The following NOS2 variants were observed in gnomAD, a reference collection of about 807,000 sequenced individuals.
The protein encoded by NOS2 is nitric oxide synthase, inducible.
NOS2 carries 96 observed loss-of-function variants against 136.0 expected under a neutral mutation model. The observed-to-expected ratio is 0.71, with a 90% CI of 0.60 to 0.84. The LOEUF (loss-of-function observed/expected upper bound fraction) is 0.84, where lower values mean the gene tolerates loss of function less well. Ranked by LOEUF, NOS2 falls within the 40% of genes least tolerant of loss-of-function variation. NOS2 has a pLI of 0.00. For missense variants in NOS2, 1,237 were observed against 1,496.9 expected (o/e 0.83, Z 2.87); for synonymous variants, 539 against 587.5 (o/e 0.92, Z 1.20).
intron 11 of NOS2, among the ~76,000 whole-genome samples, chr17:27,778,038 A>T (rs562811180): frequency 6.6e-6 from 1 of 152,120 alleles, no homozygotes; most frequent in South Asian, 2.1e-4. Flanking sequence ...ATGTCTCAAA[A>T]AAAAAAAAAG....
At chr17:27,789,038 G>A in intron 3 of NOS2, 107 bp from the exon 4 acceptor site, 3 of 1,360,920 alleles carry the variant, frequency 2.2e-6, no homozygotes, top group Non-Finnish European at 3.0e-6. Flanking sequence ...AGGGCAGGGT[G>A]TCCCTCCACG....
At chr17:27,779,332 A>G (rs1233744829) in intron 9 of NOS2, among the ~76,000 whole-genome samples, 1 of 144,442 alleles carries the variant, frequency 6.9e-6, no homozygotes, top group South Asian at 2.2e-4. Context: ...TTATTATTTT[A>G]TAGAGTCTCA....
At chr17:27,796,438 G>A (rs1402165713) in intron 2 of NOS2, among the ~76,000 whole-genome samples, 1 of 152,114 alleles carries the variant, frequency 6.6e-6, no homozygotes, top group Non-Finnish European at 1.5e-5. Flanking sequence ...CTGGGCAACA[G>A]AGTGAGACCC....
Position 27,768,989 on chromosome 17 carries a change from C to T in NOS2, c.2022G>A (p.Val674=), listed in dbSNP as rs1375475964. Residue 674 remains valine, a synonymous_variant, in exon 17 of 27, where the codon GTG becomes GTA. Transcript: ENST00000313735. Reference sequence around the variant, plus strand: ...GCTGGGAACTGACCTTGAAGGTTTGCACGGCCCAGCTGCGGAAGGCGTCCT... The same window carrying T: ...GCTGGGAACTGACCTTGAAGGTTTGTACGGCCCAGCTGCGGAAGGCGTCCT... ...GQEDAFRSWA[V]QTFKAACETF... 1.2e-6 allele frequency: 2 copies of T among 1,605,464 alleles called. No individual in the cohort carries two copies. Among genetic ancestry groups the T allele is most frequent in the East Asian group, 2.2e-5 (1 of 44,800 alleles).
intron 24 of NOS2, 143 bp from the exon 25 acceptor site, chr17:27,760,321 C>A (rs1405458233): frequency 1.1e-6 from 1 of 897,830 alleles, no homozygotes; most frequent in South Asian, 1.8e-5. Context: ...TGAGGCCCAG[C>A]GCATTCAGAT....
rs200976296 is a variant in NOS2, at chr17:27,758,861, C to T, written c.3354+20G>A. ...TGTGCCCTTGGCCGGCACCTTCAGC[C>T]CACACACCCACTACTATACCTTGAG... On this transcript the variant is annotated intron_variant, in intron 26 of 26. Coordinates refer to ENST00000313735, the MANE Select transcript of NOS2 (RefSeq NM_000625.4). 1 of 1,456,904 alleles carries T rather than the reference C, an allele frequency of 6.9e-7. No homozygotes were observed. Among genetic ancestry groups the T allele is most frequent in the African/African-American group, 1.4e-5 (1 of 69,198 alleles). 90.2% of individuals were successfully genotyped at this position (1,456,904 alleles called of 1,614,324 possible).
intron 5 of NOS2, among the ~76,000 whole-genome samples, chr17:27,783,850 C>T (rs566214491): frequency 2.3e-4 from 35 of 152,310 alleles, no homozygotes; most frequent in African/African-American, 7.5e-4. Context: ...TTCCACCCTA[C>T]GGGGACAGTA....
intron 15 of NOS2, among the ~76,000 whole-genome samples, chr17:27,770,304 A>AC (rs1220035257): frequency 6.6e-6 from 1 of 151,948 alleles, no homozygotes; most frequent in Non-Finnish European, 1.5e-5. Flanking sequence ...ACATGGAGAA[A>AC]CCCCATCTCT....
chr17:27,766,714 T>C, intron 18 of NOS2, 126 bp from the exon 19 acceptor site: 1 of 733,478 alleles, frequency 1.4e-6, no homozygotes, highest in Admixed American at 2.2e-5. Context: ...AGGTGGCCGT[T>C]GGGTTTTTCT....
At chr17:27,778,189 G>A (rs1043173622) in intron 11 of NOS2, among the ~76,000 whole-genome samples, 3 of 152,078 alleles carry the variant, frequency 2.0e-5, no homozygotes, top group African/African-American at 4.8e-5. Flanking sequence ...TACATGGCAC[G>A]GTCAGGGAGG....
chr17:27,773,299 C>T (rs1597549797), intron 12 of NOS2, 56 bp from the exon 13 acceptor site: 7 of 1,242,240 alleles, frequency 5.6e-6, no homozygotes, highest in Admixed American at 5.4e-5. Flanking sequence ...TGGCTCAGCT[C>T]GCGGATGCTG....
At position 27,760,070 on chromosome 17, in the gene NOS2, G is replaced by A. The variant is rs150061937; in HGVS notation, c.3119C>T (p.Ala1040Val). The change falls in exon 25 of 27, where the codon GCG becomes GTG. Residue 1040 changes from alanine to valine, a missense_variant. By Grantham distance (64) the Ala-to-Val change is moderately conservative. Coordinates refer to ENST00000313735, the MANE Select transcript of NOS2 (RefSeq NM_000625.4). ...LEMAQKGVLH[A>V]VHTAYSRLPG... ...CAGGCGGGAATAGGCTGTGTGCACC[G>A]CATGCAGCACCCCCTTCTGGGCCAT... 2.8e-5 allele frequency: 45 copies of A among 1,594,146 alleles called. 1 individual carries two copies. The highest frequency in any genetic ancestry group is 3.3e-5 in the Non-Finnish European group (39 of 1,171,422).
intron 9 of NOS2, 41 bp from the exon 10 acceptor site, chr17:27,779,097 A>G: frequency 2.2e-6 from 3 of 1,337,620 alleles, no homozygotes; most frequent in South Asian, 4.7e-5. Flanking sequence ...GGCCTTCCTT[A>G]TTTTTATTTT....
Position 27,769,523 on chromosome 17 carries a change from A to C in NOS2, c.1859+12T>G. ...GGCAGGGCTAGGAGTAGGACAACGGAAAAAGCTTTACCTGAATTTGTTGTT... is the reference window on the plus strand; with the variant it reads ...GGCAGGGCTAGGAGTAGGACAACGGCAAAAGCTTTACCTGAATTTGTTGTT... On this transcript the variant is annotated intron_variant, in intron 16 of 26. Coordinates refer to ENST00000313735, the MANE Select transcript of NOS2 (RefSeq NM_000625.4). 1 of 1,611,246 alleles carries C rather than the reference A, an allele frequency of 6.2e-7. No homozygotes were observed. Among genetic ancestry groups the C allele is most frequent in the Non-Finnish European group, 8.5e-7 (1 of 1,177,764 alleles).
At chr17:27,796,314 G>A (rs1301970262) in intron 2 of NOS2, among the ~76,000 whole-genome samples, 1 of 152,122 alleles carries the variant, frequency 6.6e-6, no homozygotes, top group Non-Finnish European at 1.5e-5. Context: ...ACCAGGCGTG[G>A]TGGCACATGC....
chr17:27,760,675 G>C lies in NOS2; in HGVS notation c.2958C>G (p.Ile986Met). The C allele has an allele frequency of 6.4e-7, 1 of 1,552,384 alleles. No individual in the cohort carries two copies. The highest frequency in any genetic ancestry group is 8.7e-7 in the Non-Finnish European group (1 of 1,147,624). Residue 986 changes from isoleucine to methionine, a missense_variant, in exon 24 of 27, where the codon ATC (isoleucine) becomes ATG (methionine). Coordinates refer to ENST00000313735, the MANE Select transcript of NOS2 (RefSeq NM_000625.4). Reference sequence around the variant, plus strand: ...GCTGCCAGAAACTGCGGAAGGGCGCGATGCCTGTGCCAGGCCCGATGAGGA... The same window carrying C: ...GCTGCCAGAAACTGCGGAAGGGCGCCATGCCTGTGCCAGGCCCGATGAGGA... The part of the protein sequence containing the change: ...PCILIGPGTG[I>M]APFRSFWQQR...
At chr17:27,760,210 T>A in intron 24 of NOS2, 32 bp from the exon 25 acceptor site, 1 of 1,512,870 alleles carries the variant, frequency 6.6e-7, no homozygotes, top group Non-Finnish European at 8.8e-7. Flanking sequence ...GTTACCATGT[T>A]GGCCACCAGA....
intron 14 of NOS2, among the ~76,000 whole-genome samples, chr17:27,771,278 G>T (rs1251160601): frequency 6.6e-6 from 1 of 152,188 alleles, no homozygotes; most frequent in African/African-American, 2.4e-5. Flanking sequence ...CAAAAATACT[G>T]CCTTTCCCAT....
intron 14 of NOS2, 57 bp from the exon 15 acceptor site, chr17:27,771,074 C>T (rs1908480807): frequency 2.4e-6 from 3 of 1,271,280 alleles, no homozygotes; most frequent in East Asian, 4.9e-5. Flanking sequence ...CCTCCCTACC[C>T]TGCGCAGACA....
Sources: allele counts gnomAD v4.1 joint callset (sites outside exome capture counted in the v4.1 genomes callset), GRCh38; gene constraint gnomAD v4.1.1; transcripts MANE v1.5; gene names NCBI Gene and HGNC (gene_info 2026-07-23, HGNC 2026-07-21).